Variants in MYO1C observed in about 807,000 individuals in gnomAD.
The protein encoded by MYO1C is myosin IC.
A neutral mutation model predicts 150.8 loss-of-function variants in MYO1C; 104 were observed. That is an observed-to-expected ratio of 0.69 (90% CI 0.59 to 0.81). The LOEUF is 0.81. Ranked by LOEUF, MYO1C falls within the 30% of genes least tolerant of loss-of-function variation. The pLI, the probability that MYO1C is intolerant of heterozygous loss-of-function variation, is 0.00. For synonymous variants in MYO1C, 663 were observed against 579.9 expected (o/e 1.14, Z -2.06); for missense variants, 1,504 against 1,435.0 (o/e 1.05, Z -0.78).
At chr17:1,466,348 G>A (rs145395978) in intron 31 of MYO1C, among the ~76,000 whole-genome samples, 3 of 151,912 alleles carry the variant, frequency 2.0e-5, no homozygotes, top group Middle Eastern at 3.4e-3. Flanking sequence ...TACAAATTCT[G>A]AGATGGAATT....
rs1041060044 is a variant in MYO1C at position 1,492,618 on chromosome 17, C to T, written c.-131G>A. On this transcript the variant is annotated 5_prime_UTR_variant, in exon 1 of 32. Coordinates refer to ENST00000648651, the MANE Select transcript of MYO1C (RefSeq NM_001080779.2). ...ACGCCGGGATGGCCACTTGGTTCTGCTTCAACTGCAGCCCCAGGGGATGTG... is the reference window on the plus strand; with the variant it reads ...ACGCCGGGATGGCCACTTGGTTCTGTTTCAACTGCAGCCCCAGGGGATGTG... The T allele has an allele frequency of 2.4e-6, 2 of 817,818 alleles. No individual in the cohort carries two copies. The highest frequency in any genetic ancestry group is 2.0e-6 in the Non-Finnish European group (1 of 491,646). The allele number at this position is 817,818 out of a possible 1,614,324, so 50.7% of individuals were successfully genotyped here.
rs890754271 is a variant in MYO1C, at chr17:1,471,154, G to A, written c.2136-7C>T. On this transcript the variant is annotated splice_polypyrimidine_tract_variant and splice_region_variant and intron_variant, in intron 20 of 31. Coordinates refer to ENST00000648651, the MANE Select transcript of MYO1C (RefSeq NM_001080779.2). ...GCGGATGAAGATCTTGGTCCTGGGA[G>A]AGCAGTAGTGATCAGCCCGGGGTTG... 1.7e-5 allele frequency: 27 copies of A among 1,613,988 alleles called. 1 individual carries two copies. Among genetic ancestry groups the A allele is most frequent in the East Asian group, 8.9e-5 (4 of 44,882 alleles).
At chr17:1,472,328 A>G (rs2074322212) in intron 17 of MYO1C, 100 bp from the exon 18 acceptor site, 2 of 1,022,274 alleles carry the variant, frequency 2.0e-6, no homozygotes, top group Admixed American at 2.0e-5. Flanking sequence ...CGCGCGCAGC[A>G]GCCTCTGATT....
intron 21 of MYO1C, 129 bp from the exon 22 acceptor site, chr17:1,470,818 G>A (rs1241498878): frequency 9.4e-7 from 1 of 1,062,214 alleles, no homozygotes; most frequent in Non-Finnish European, 1.4e-6. Context: ...GAGGAGAGTG[G>A]TGAAGAAGAA....
Position 1,468,482 on chromosome 17 carries a change from G to A in MYO1C, c.2625C>T (p.Ala875=), listed in dbSNP as rs374091489. The A allele has an allele frequency of 8.4e-5, 135 of 1,613,540 alleles. 1 individual carries two copies. Among genetic ancestry groups the A allele is most frequent in the South Asian group, 1.9e-4 (17 of 91,056 alleles). The change falls in exon 26 of 32, where the codon GCC becomes GCT. Residue 875 remains alanine, a synonymous_variant. Transcript: ENST00000648651. ...PEWKQQLQQK[A]VASEIFKGKK... ...TGCCCTTGAAGATCTCACTAGCCAC[G>A]GCCTTCTGCTGCAGCTGAGGAGACA...
intron 1 of MYO1C, among the ~76,000 whole-genome samples, chr17:1,488,759 G>T (rs1375661592): frequency 6.6e-6 from 1 of 152,210 alleles, no homozygotes; most frequent in Non-Finnish European, 1.5e-5. Flanking sequence ...GTGGGCCAGG[G>T]CCTTTGGCTC....
Position 1,464,230 on chromosome 17 carries a change from G to A in MYO1C, c.*1496C>T, listed in dbSNP as rs1408130420. 2 of 152,714 alleles carry A rather than the reference G, an allele frequency of 1.3e-5. No individual in the cohort carries two copies. 9.5% of individuals were successfully genotyped at this position (152,714 alleles called of 1,614,324 possible). ...TTATTTAGTGTTTCTCTGGATTGCA[G>A]AAGTGTCAGCAGTGGGCTGAGACCC... On this transcript the variant is annotated 3_prime_UTR_variant, in exon 32 of 32. Coordinates refer to ENST00000648651, the MANE Select transcript of MYO1C (RefSeq NM_001080779.2).
At position 1,471,963 on chromosome 17, in the gene MYO1C, C is replaced by A; in HGVS notation, c.1965G>T (p.Leu655=). The A allele has an allele frequency of 6.2e-7, 1 of 1,614,132 alleles. No individual in the cohort carries two copies. The highest frequency in any genetic ancestry group is 8.5e-7 in the Non-Finnish European group (1 of 1,180,022). The change falls in exon 19 of 32, where the codon CTG becomes CTT. Residue 655 remains leucine (L), a synonymous_variant. Transcript: ENST00000648651. ...AGGCAAAGCCGGCTCTGCGCACGCG[C>A]AGGTTTTCCAACAGCCCCAGGTACT... ...QVKYLGLLEN[L]RVRRAGFAYR...
At chr17:1,472,320 C>A in intron 17 of MYO1C, 92 bp from the exon 18 acceptor site, 2 of 1,077,434 alleles carry the variant, frequency 1.9e-6, no homozygotes, top group South Asian at 2.7e-5. Flanking sequence ...GCTGGTGACG[C>A]GCGCAGCAGC....
chr17:1,483,580 G>T, intron 3 of MYO1C, 30 bp downstream of exon 3: 4 of 1,533,020 alleles, frequency 2.6e-6, no homozygotes, highest in Non-Finnish European at 2.7e-6. Context: ...AGACAGAGGG[G>T]TCGCTCCCGG....
intron 14 of MYO1C, among the ~76,000 whole-genome samples, chr17:1,475,558 C>T (rs536813727): frequency 2.0e-5 from 3 of 152,192 alleles, no homozygotes; most frequent in Non-Finnish European, 2.9e-5. Context: ...GGCCAGGGTA[C>T]GCTGCAGGGA....
chr17:1,465,716 G>A lies in MYO1C; in HGVS notation c.*10C>T. ...CATTGGGCGTTGGGAGGGTCCAGTG[G>A]GCGCCTTTATCACCGAGAATTCAGC... On this transcript the variant is annotated 3_prime_UTR_variant, in exon 32 of 32. Transcript: ENST00000648651. 7.5e-7 allele frequency: 1 copy of A among 1,326,464 alleles called. No individual in the cohort carries two copies. Among genetic ancestry groups the A allele is most frequent in the Non-Finnish European group, 9.7e-7 (1 of 1,028,402 alleles). The allele number at this position is 1,326,464 out of a possible 1,614,324, so 82.2% of individuals were successfully genotyped here.
At position 1,469,735 on chromosome 17, in the gene MYO1C, G is replaced by A. The variant is rs113042803; in HGVS notation, c.2527-121C>T. The A allele has an allele frequency of 1.1e-3, 962 of 875,636 alleles. 7 individuals carry two copies. In the African/African-American group the frequency reaches 0.014, roughly 13 times the overall value. The allele number at this position is 875,636 out of a possible 1,614,324, so 54.2% of individuals were successfully genotyped here. A position where few individuals can be genotyped will look rare whatever the true frequency, so the allele number is the denominator to read the frequency against. On this transcript the variant is annotated intron_variant, in intron 24 of 31. Coordinates refer to ENST00000648651, the MANE Select transcript of MYO1C (RefSeq NM_001080779.2). ...ACCCCCTCCATCTGGAGACGCTTCC[G>A]GTCAAGAGACCTTACTCGGCAGGGC... is the stretch of plus-strand genomic sequence containing the variant.
intron 19 of MYO1C, among the ~76,000 whole-genome samples, 173 bp downstream of exon 19, chr17:1,471,734 C>T (rs1255741281): frequency 1.3e-5 from 2 of 151,930 alleles, no homozygotes; most frequent in African/African-American, 4.8e-5. Flanking sequence ...GTATTCTTTC[C>T]ACCCAGCCTG....
chr17:1,483,713 G>A lies in MYO1C; in HGVS notation c.244C>T (p.Pro82Ser), dbSNP rs1161752967. The change falls in exon 3 of 32, where the codon CCC becomes TCC. Residue 82 changes from proline (P) to serine (S), a missense_variant. Coordinates refer to ENST00000648651, the MANE Select transcript of MYO1C (RefSeq NM_001080779.2). ...RENLIYTYIG[P>S]VLVSVNPYRD... is the part of the protein sequence containing the mutation. ...TAGGGATTGACAGAGACCAGGACGG[G>A]GCCAATGTAGGTCTGGGATCGGGGG... The A allele has an allele frequency of 3.1e-6, 5 of 1,611,220 alleles. No individual in the cohort carries two copies. Among genetic ancestry groups the A allele is most frequent in the Non-Finnish European group, 4.2e-6 (5 of 1,178,878 alleles).
At position 1,492,490 on chromosome 17, in the gene MYO1C, C is replaced by A. The variant is rs1190931066; in HGVS notation, c.-3G>T. The A allele has an allele frequency of 6.3e-6, 10 of 1,598,648 alleles. No individual in the cohort carries two copies. The highest frequency in any genetic ancestry group is 1.3e-5 in the African/African-American group (1 of 74,456). ...ACCAGCTCCACTTGCAGCGCCATTC[C>A]GCCCTGCGGAGAGCCAGCGGCCTGG... On this transcript the variant is annotated 5_prime_UTR_variant, in exon 1 of 32. Coordinates refer to ENST00000648651, the MANE Select transcript of MYO1C (RefSeq NM_001080779.2).
chr17:1,485,486 C>T (rs2074633459), intron 1 of MYO1C: 7 of 604,190 alleles, frequency 1.2e-5, no homozygotes, highest in Non-Finnish European at 1.5e-5. Context: ...CGTTCTCAGG[C>T]GTCCCCGGCG....
chr17:1,472,267 G>C (rs1212216190), intron 17 of MYO1C, 39 bp from the exon 18 acceptor site: 3 of 1,580,046 alleles, frequency 1.9e-6, no homozygotes, highest in South Asian at 2.2e-5. Context: ...GCCGGAGCTG[G>C]GCTAAAGCTG....
chr17:1,481,017 C>T (rs542613505), intron 5 of MYO1C, 132 bp from the exon 6 acceptor site: 474 of 993,866 alleles, frequency 4.8e-4, no homozygotes, highest in South Asian at 8.4e-4. Flanking sequence ...CCACTAGCTG[C>T]GTCGGCTCAG....
Sources: allele counts gnomAD v4.1 joint callset (sites outside exome capture counted in the v4.1 genomes callset), GRCh38; gene constraint gnomAD v4.1.1; transcripts MANE v1.5; gene names NCBI Gene and HGNC (gene_info 2026-07-23, HGNC 2026-07-21).